The following CLSTN1 variants were observed in gnomAD, a reference collection of about 807,000 sequenced individuals.
CLSTN1 encodes the protein calsyntenin 1, also known as calsyntenin-1.
In CLSTN1, 28 loss-of-function variants were observed where a neutral mutation model predicts 108.3. The observed-to-expected ratio is 0.26, with a 90% CI of 0.19 to 0.35. CLSTN1 has a LOEUF of 0.35. Ranked by LOEUF, CLSTN1 falls within the 10% of genes least tolerant of loss-of-function variation. CLSTN1 has a pLI of 1.00. For missense variants in CLSTN1, 1,157 were observed against 1,302.6 expected, an observed-to-expected ratio of 0.89 and a Z score of 1.72; for synonymous variants, 524 against 534.9, an observed-to-expected ratio of 0.98 and a Z score of 0.28.
rs930603404 is a variant in CLSTN1 at position 9,737,693 on chromosome 1, A to G, written c.1520-139T>C. ...CCCTCGTGATCCCGCTCTGGGATGT[A>G]CCCATCTGGACGCAAGCTTGTATTT... On this transcript the variant is annotated intron_variant, in intron 10 of 18. Transcript: ENST00000377298. 7.1e-6 allele frequency: 5 copies of G among 706,232 alleles called. No homozygotes were observed. The African/African-American group carries it at 9.0e-5, about 13-fold the overall frequency. 43.7% of individuals were successfully genotyped at this position (706,232 alleles called of 1,614,324 possible).
rs180931578 is a variant in CLSTN1 at position 9,771,629 on chromosome 1, T to C, written c.214+1643A>G. Reference sequence around the variant, plus strand: ...ACTGTTTCAGGAGAAAAAAAAAATGTGGGGGAAAAAGCAAAAATAATCACC... The same window carrying C: ...ACTGTTTCAGGAGAAAAAAAAAATGCGGGGGAAAAAGCAAAAATAATCACC... On this transcript the variant is annotated intron_variant, in intron 2 of 18. Coordinates refer to ENST00000377298, the MANE Select transcript of CLSTN1 (RefSeq NM_001009566.3). Among the ~76,000 whole-genome samples the C allele has an allele frequency of 4.0e-3, 603 of 151,628 alleles. 7 individuals are homozygous for C. The highest frequency in any genetic ancestry group is 0.014 in the African/African-American group (571 of 41,376).
intron 4 of CLSTN1, among the ~76,000 whole-genome samples, chr1:9,754,586 C>T (rs910873260): frequency 6.7e-6 from 1 of 150,006 alleles, no homozygotes; most frequent in Non-Finnish European, 1.5e-5. Flanking sequence ...AGGCCAGGTA[C>T]GGCTCACGCC....
At chr1:9,789,568 T>C (rs936047638) in intron 1 of CLSTN1, among the ~76,000 whole-genome samples, 5 of 151,514 alleles carry the variant, frequency 3.3e-5, no homozygotes, top group African/African-American at 1.2e-4. Flanking sequence ...ACCACTTATT[T>C]TGAAGCAAAT....
chr1:9,792,391 T>C (rs942170939), intron 1 of CLSTN1, among the ~76,000 whole-genome samples: 1 of 151,502 alleles, frequency 6.6e-6, no homozygotes, highest in Non-Finnish European at 1.5e-5. Context: ...GAGCCTCATG[T>C]CCACCTACAG....
chr1:9,756,093 A>C (rs1651792826), intron 3 of CLSTN1, among the ~76,000 whole-genome samples: 1 of 152,222 alleles, frequency 6.6e-6, no homozygotes, highest in Non-Finnish European at 1.5e-5. Context: ...CTATGTTTCC[A>C]TTCTTGTCCA....
rs535596624 is a variant in CLSTN1, at chr1:9,748,224, A to G, written c.985+1237T>C. 2.0e-5 allele frequency among the ~76,000 whole-genome samples: 3 copies of G among 152,250 alleles called. No homozygotes were observed. In the East Asian group the frequency reaches 5.8e-4, roughly 29 times the overall value. On this transcript the variant is annotated intron_variant, in intron 7 of 18. Transcript: ENST00000377298. The stretch of plus-strand genomic sequence containing the variant: ...ATTTAGTGGGATTTTATCACCAGTC[A>G]ACTAAATGTTCTTCCCTCAACATCT...
intron 1 of CLSTN1, among the ~76,000 whole-genome samples, chr1:9,808,345 T>C (rs967014949): frequency 2.0e-5 from 3 of 152,352 alleles, no homozygotes; most frequent in African/African-American, 7.2e-5. Flanking sequence ...CGCATGTGCA[T>C]GCATGCGCTG....
Position 9,731,211 on chromosome 1 carries a change from T to A in CLSTN1, c.2743A>T (p.Met915Leu). 6.2e-7 allele frequency: 1 copy of A among 1,614,130 alleles called. No homozygotes were observed. Among genetic ancestry groups the A allele is most frequent in the Non-Finnish European group, 8.5e-7 (1 of 1,180,020 alleles). Residue 915 changes from methionine to leucine, a missense_variant, in exon 18 of 19, where the codon ATG becomes TTG. Physicochemically the swap from Met to Leu is conservative, Grantham distance 15. Coordinates refer to ENST00000377298, the MANE Select transcript of CLSTN1 (RefSeq NM_001009566.3). ...DSALTITVNP[M>L]ETYEDQHSSE... ...GGTCGCCCGCCCACTCCTACCTCCA[T>A]GGGGTTGACGGTGATGGTCAGGGCA... is the stretch of plus-strand genomic sequence containing the variant.
intron 2 of CLSTN1, among the ~76,000 whole-genome samples, chr1:9,771,978 C>CA (rs1396260877): frequency 1.4e-5 from 2 of 144,408 alleles, no homozygotes; most frequent in African/African-American, 5.0e-5. Flanking sequence ...AAATAGAACA[C>CA]TTTTTTTTTT....
chr1:9,810,498 G>C (rs755639799), intron 1 of CLSTN1, among the ~76,000 whole-genome samples: 4 of 149,628 alleles, frequency 2.7e-5, no homozygotes, highest in African/African-American at 9.9e-5. Context: ...ATAAAGACTG[G>C]GGACACTAGC....
rs942822346 is a variant in CLSTN1 at position 9,734,288 on chromosome 1, G to T, written c.2111-146C>A. 3.3e-5 allele frequency: 26 copies of T among 794,658 alleles called. No homozygotes were observed. In the African/African-American group the frequency reaches 4.2e-4, roughly 13 times the overall value. The allele number at this position is 794,658 out of a possible 1,614,324, so 49.2% of individuals were successfully genotyped here. A position where few individuals can be genotyped will look rare whatever the true frequency, so the allele number is the denominator to read the frequency against. The stretch of plus-strand genomic sequence containing the variant: ...AGAAGCAAGCGAGAGTTGCTTTCAA[G>T]AAACGGCTGGGCGCAGTGGCTCACG... On this transcript the variant is annotated intron_variant, in intron 14 of 18. Coordinates refer to ENST00000377298, the MANE Select transcript of CLSTN1 (RefSeq NM_001009566.3). The surrounding 1 kb of genome is among the most constrained non-coding windows in gnomAD (Gnocchi z 4.8).
At chr1:9,788,429 G>C (rs1653595561) in intron 1 of CLSTN1, among the ~76,000 whole-genome samples, 1 of 150,958 alleles carries the variant, frequency 6.6e-6, no homozygotes, top group Non-Finnish European at 1.5e-5. Flanking sequence ...AAATTAGCTG[G>C]GCATGGTAGT....
intron 5 of CLSTN1, 190 bp from the exon 6 acceptor site, chr1:9,750,103 A>G: frequency 1.8e-6 from 1 of 556,820 alleles, no homozygotes; most frequent in Non-Finnish European, 3.2e-6. Context: ...ATCCATCCTG[A>G]AGAGTTTCAA....
intron 1 of CLSTN1, among the ~76,000 whole-genome samples, chr1:9,818,896 C>T (rs1655089777): frequency 6.7e-6 from 1 of 149,416 alleles, no homozygotes; most frequent in Admixed American, 6.8e-5. Context: ...ACGCCATTCT[C>T]CTGCCTCAGC....
At chr1:9,765,099 A>T (rs1652261766) in intron 2 of CLSTN1, among the ~76,000 whole-genome samples, 1 of 152,078 alleles carries the variant, frequency 6.6e-6, no homozygotes, top group Non-Finnish European at 1.5e-5. Context: ...TTCAACATTT[A>T]AAAAAATTGG....
chr1:9,822,089 C>G (rs1188038370), intron 1 of CLSTN1, among the ~76,000 whole-genome samples: 1 of 152,090 alleles, frequency 6.6e-6, no homozygotes, highest in Non-Finnish European at 1.5e-5. Context: ...TAAACTGTTC[C>G]CAAAATACCC....
chr1:9,747,496 T>C (rs1321795575), intron 7 of CLSTN1, among the ~76,000 whole-genome samples: 1 of 152,100 alleles, frequency 6.6e-6, no homozygotes, highest in Non-Finnish European at 1.5e-5. Flanking sequence ...ATGATAATTT[T>C]CTTCTTATTT....
At position 9,743,982 on chromosome 1, in the gene CLSTN1, GGGA is replaced by G; in HGVS notation, c.1255_1257del (p.Ser419del). 1 of 1,614,196 alleles carries G rather than the reference GGGA, an allele frequency of 6.2e-7. No homozygotes were observed. Among genetic ancestry groups the G allele is most frequent in the Non-Finnish European group, 8.5e-7 (1 of 1,180,022 alleles). On this transcript the variant is annotated inframe_deletion, in exon 9 of 19. Transcript: ENST00000377298. ...ATCAGCCGGCACCCGTGGACATAGA[GGGA>G]GTAGTGGTGCCGATTCATATCTGCA...
intron 1 of CLSTN1, among the ~76,000 whole-genome samples, chr1:9,798,135 A>G (rs1319269326): frequency 1.0e-5 from 1 of 99,930 alleles, no homozygotes; most frequent in African/African-American, 4.0e-5. Flanking sequence ...AGAGGGGAAG[A>G]GGGGAAGAGG....
Sources: allele counts gnomAD v4.1 joint callset (sites outside exome capture counted in the v4.1 genomes callset), GRCh38; gene constraint gnomAD v4.1.1; non-coding constraint Gnocchi (gnomAD v3.1); transcripts MANE v1.5; gene names NCBI Gene and HGNC (gene_info 2026-07-23, HGNC 2026-07-21).